The following EIF4E3 variants were observed in gnomAD, a reference collection of about 807,000 sequenced individuals.
EIF4E3 encodes eukaryotic translation initiation factor 4E family member 3, also known as eukaryotic translation initiation factor 4E type 3.
Under a neutral mutation model 31.7 loss-of-function variants are expected in EIF4E3, and 26 were observed. The ratio of observed to expected loss-of-function variants is 0.82; its 90% CI spans 0.60 to 1.14. EIF4E3 has a LOEUF of 1.14. EIF4E3 is among the 50% of genes most tolerant of loss of function. The pLI, the probability that EIF4E3 is intolerant of heterozygous loss-of-function variation, is 0.00. For synonymous variants in EIF4E3, 128 were observed against 107.7 expected (o/e 1.19, Z -1.17); for missense variants, 304 against 270.9 (o/e 1.12, Z -0.86).
intron 6 of EIF4E3, among the ~76,000 whole-genome samples, chr3:71,688,948 G>T (rs2049027839): frequency 6.6e-6 from 1 of 152,124 alleles, no homozygotes; most frequent in Non-Finnish European, 1.5e-5. Context: ...GGAGGCCTTA[G>T]TGTTAATATC....
intron 6 of EIF4E3, among the ~76,000 whole-genome samples, chr3:71,687,745 C>T (rs73837552): frequency 1.1e-4 from 16 of 152,172 alleles, no homozygotes; most frequent in Admixed American, 3.3e-4. Flanking sequence ...CCCATCTACC[C>T]GCTAGAGGCC....
At chr3:71,729,152 A>C (rs938428185), upstream of EIF4E3, 1 of 152,182 alleles carries the variant, frequency 6.6e-6, no homozygotes, top group African/African-American at 2.4e-5. Flanking sequence ...AACATGGGTG[A>C]GGTGGGTGCT....
At chr3:71,712,644 G>GT (rs35405190) in intron 1 of EIF4E3, among the ~76,000 whole-genome samples, 27 of 124,078 alleles carry the variant, frequency 2.2e-4, no homozygotes, top group Non-Finnish European at 4.3e-4. Context: ...GTGGGCGGGG[G>GT]AGATTCTAGG....
chr3:71,678,329 T>C lies in EIF4E3; in HGVS notation c.*6353A>G, dbSNP rs542811073. The C allele has an allele frequency of 2.6e-5, 4 of 152,268 alleles. No homozygotes were observed. In the East Asian group the frequency reaches 7.7e-4, roughly 29 times the overall value. The allele number at this position is 152,268 out of a possible 1,614,324, so 9.4% of individuals were successfully genotyped here. A position where few individuals can be genotyped will look rare whatever the true frequency, so the allele number is the denominator to read the frequency against. ...AAATAAAGTTCTACAAACTAACACT[T>C]AAACAAACCCTGTGAACTACTACCC... On this transcript the variant is annotated 3_prime_UTR_variant, in exon 7 of 7. Transcript: ENST00000425534.
chr3:71,716,405 T>A (rs1379021806), intron 1 of EIF4E3, among the ~76,000 whole-genome samples: 1 of 152,146 alleles, frequency 6.6e-6, no homozygotes, highest in South Asian at 2.1e-4. Flanking sequence ...GCTAATTTTT[T>A]TGTATTTTTA....
intron 3 of EIF4E3, among the ~76,000 whole-genome samples, chr3:71,698,711 G>A (rs1007876677): frequency 6.6e-6 from 1 of 152,198 alleles, no homozygotes; most frequent in East Asian, 1.9e-4. Flanking sequence ...CGTGAGTACT[G>A]ACAATGGTAA....
rs912740239 is a variant in EIF4E3, at chr3:71,699,549, T to A, written c.344+65A>T. On this transcript the variant is annotated intron_variant, in intron 3 of 6. Coordinates refer to ENST00000425534, the MANE Select transcript of EIF4E3 (RefSeq NM_001134651.2). ...GAGACACACATCTCAGGTGATATGA[T>A]CTTTTATGAGGTTCACAAACATTTT... 5 of 1,378,392 alleles carry A rather than the reference T, an allele frequency of 3.6e-6. No homozygotes were observed. In the Admixed American group the frequency reaches 6.7e-5, roughly 19 times the overall value. The allele number at this position is 1,378,392 out of a possible 1,614,324, so 85.4% of individuals were successfully genotyped here. A position where few individuals can be genotyped will look rare whatever the true frequency, so the allele number is the denominator to read the frequency against.
chr3:71,741,179 C>T (rs970145954), intron 1 of EIF4E3, among the ~76,000 whole-genome samples: 1 of 146,848 alleles, frequency 6.8e-6, no homozygotes, highest in African/African-American at 2.6e-5. Flanking sequence ...CATCCATGCA[C>T]ATGCACATGC....
rs1484707428 is a variant in EIF4E3 at position 71,725,322 on chromosome 3, G to C, written c.46C>G (p.Pro16Ala). 3.1e-6 allele frequency: 3 copies of C among 972,442 alleles called. No individual in the cohort carries two copies. Among genetic ancestry groups the C allele is most frequent in the Non-Finnish European group, 3.7e-6 (3 of 820,088 alleles). 60.2% of individuals were successfully genotyped at this position (972,442 alleles called of 1,614,324 possible). ...GCGGCGGCGGCGCGGGACCCCGGCG[G>C]CTCCCGGGCCCCGGCGGGGGGCGCG... is the stretch of plus-strand genomic sequence containing the variant. ...AAAPPAGARE[P>A]PGSRAAAAAA... The change falls in exon 1 of 7, where the codon CCG (proline) becomes GCG (alanine). Residue 16 changes from proline to alanine, a missense_variant. Pro to Ala is a conservative substitution (Grantham distance 27, BLOSUM62 -1). Coordinates refer to ENST00000425534, the MANE Select transcript of EIF4E3 (RefSeq NM_001134651.2). The surrounding 1 kb of genome is among the most constrained non-coding windows in gnomAD (Gnocchi z 6.1).
intron 2 of EIF4E3, among the ~76,000 whole-genome samples, chr3:71,705,874 C>CA (rs879705927): frequency 1.2e-4 from 18 of 152,198 alleles, no homozygotes; most frequent in Non-Finnish European, 1.5e-4. Context: ...GCAATCCTCC[C>CA]ACCTCAGCTT....
chr3:71,736,549 T>C (rs969247531), intron 1 of EIF4E3, among the ~76,000 whole-genome samples: 3 of 152,208 alleles, frequency 2.0e-5, no homozygotes, highest in African/African-American at 7.2e-5. Flanking sequence ...GAAGCCAATC[T>C]GAAAAGCCAC....
intron 1 of EIF4E3, among the ~76,000 whole-genome samples, chr3:71,721,294 G>A (rs2049544464): frequency 6.6e-6 from 1 of 152,212 alleles, no homozygotes; most frequent in Non-Finnish European, 1.5e-5. Flanking sequence ...CTAAGGACAA[G>A]GCATCCGGGA....
chr3:71,687,999 A>G (rs957537411), intron 6 of EIF4E3, among the ~76,000 whole-genome samples: 1 of 148,898 alleles, frequency 6.7e-6, no homozygotes, highest in African/African-American at 2.5e-5. Context: ...TTTGTTTACA[A>G]TAAAGAAAAC....
chr3:71,710,902 T>C (rs984400331), intron 1 of EIF4E3, among the ~76,000 whole-genome samples: 1 of 152,186 alleles, frequency 6.6e-6, no homozygotes, highest in Admixed American at 6.5e-5. Context: ...AACTTGTTAG[T>C]AACTGGGTGG....
downstream of EIF4E3, among the ~76,000 whole-genome samples, chr3:71,674,653 TCAAA>T (rs1481758565): frequency 6.6e-6 from 1 of 152,180 alleles, no homozygotes; most frequent in Non-Finnish European, 1.5e-5. Context: ...TTGTAGGACC[TCAAA>T]CAAGTTAAGC....
Position 71,679,941 on chromosome 3 carries a change from T to A in EIF4E3, c.*4741A>T, listed in dbSNP as rs896865030. The stretch of plus-strand genomic sequence containing the variant: ...GTAGTTACTGCACATATGGAGTAAC[T>A]ACTTTTCTGAACACTAATTTCTTTT... On this transcript the variant is annotated 3_prime_UTR_variant, in exon 7 of 7. Transcript: ENST00000425534. The A allele has an allele frequency of 1.3e-5, 2 of 152,348 alleles. No homozygotes were observed. The highest frequency in any genetic ancestry group is 3.9e-4 in the East Asian group (2 of 5,182). 9.4% of individuals were successfully genotyped at this position (152,348 alleles called of 1,614,324 possible).
At chr3:71,722,330 G>C (rs1449645209) in intron 1 of EIF4E3, among the ~76,000 whole-genome samples, 3 of 152,188 alleles carry the variant, frequency 2.0e-5, no homozygotes, top group Non-Finnish European at 4.4e-5. Flanking sequence ...GGTTTTGAGA[G>C]TCACCAGAAT....
upstream of EIF4E3, chr3:71,754,033 G>C (rs1489180916): frequency 1.2e-5 from 14 of 1,186,046 alleles, 1 homozygote; most frequent in Middle Eastern, 7.2e-4. This position sits in a 1 kb window ranked among gnomAD's most constrained non-coding sequence, Gnocchi z 5.8. Context: ...CGGAGCGCAC[G>C]GCCTGGTGAG....
chr3:71,711,254 T>C (rs2049374820), intron 1 of EIF4E3, among the ~76,000 whole-genome samples: 1 of 152,252 alleles, frequency 6.6e-6, no homozygotes, highest in African/African-American at 2.4e-5. Context: ...TGCCACCTTT[T>C]CTTTCTCTCT....
Sources: gnomAD v4.1 joint callset for allele counts (sites outside exome capture counted in the v4.1 genomes callset) on GRCh38, gnomAD v4.1.1 for gene constraint, Gnocchi (gnomAD v3.1) non-coding constraint, MANE v1.5 for transcripts, NCBI Gene and HGNC (gene_info 2026-07-23, HGNC 2026-07-21) for gene names.